The following MAX variants were observed in gnomAD, a reference collection of about 807,000 sequenced individuals.
The protein encoded by MAX is MYC associated transcriptional regulator X.
Under a neutral mutation model 22.3 loss-of-function variants are expected in MAX, and 3 were observed. The observed-to-expected ratio is 0.13, with a 90% confidence interval of 0.06 to 0.35. The LOEUF (loss-of-function observed/expected upper bound fraction) is 0.35. MAX is among the 10% of genes least tolerant of loss of function. MAX has a pLI of 1.00. For missense variants in MAX, 119 were observed against 209.4 expected (o/e 0.57, Z 2.66); for synonymous variants, 72 against 77.7 (o/e 0.93, Z 0.39).
rs1384119164 is a variant in MAX, at chr14:65,054,413, G to C, written c.171+39295C>G. Among the ~76,000 whole-genome samples, 1 of 151,618 alleles carries C rather than the reference G, an allele frequency of 6.6e-6. No individual in the cohort carries two copies. Among genetic ancestry groups the C allele is most frequent in the South Asian group, 2.1e-4 (1 of 4,814 alleles). On this transcript the variant is annotated intron_variant, in intron 3 of 3. Coordinates refer to the MAX transcript ENST00000341653. The surrounding 1 kb of genome is among the most constrained non-coding windows in gnomAD (Gnocchi z 4.4). ...GTGTGAGCCACTGTGCTCAGCCAGTGGGGCTTTAAATAACACTGCTGGGAA... is the reference window on the plus strand; with the variant it reads ...GTGTGAGCCACTGTGCTCAGCCAGTCGGGCTTTAAATAACACTGCTGGGAA...
At chr14:65,035,340 T>C (rs1350112637) in intron 3 of MAX, among the ~76,000 whole-genome samples, 3 of 152,214 alleles carry the variant, frequency 2.0e-5, no homozygotes, top group Non-Finnish European at 4.4e-5. Context: ...AAAATCTGCC[T>C]GCCCTTTTTC....
At position 65,059,915 on chromosome 14, in the gene MAX, C is replaced by T. The variant is rs1003897703; in HGVS notation, c.171+33793G>A. On this transcript the variant is annotated intron_variant, in intron 3 of 3. Coordinates refer to the MAX transcript ENST00000341653. The stretch of plus-strand genomic sequence containing the variant: ...GTGGCACAATCTTGGCTCACTGCAA[C>T]CTCCGCCTCCCGGGTTCAAGCAATT... Among the ~76,000 whole-genome samples the T allele has an allele frequency of 1.1e-4, 16 of 148,942 alleles. No homozygotes were observed. In the South Asian group the frequency reaches 3.2e-3, roughly 30 times the overall value.
chr14:65,020,755 GGAGTTTT>G (rs970449393), intron 3 of MAX, among the ~76,000 whole-genome samples: 1 of 97,702 alleles, frequency 1.0e-5, no homozygotes, highest in African/African-American at 3.9e-5. Flanking sequence ...TTTTTGAGAC[GGAGTTTT>G]GCTCTTGTTG....
intron 3 of MAX, among the ~76,000 whole-genome samples, chr14:65,086,171 G>A (rs1256490709): frequency 6.6e-6 from 1 of 152,168 alleles, no homozygotes; most frequent in African/African-American, 2.4e-5. Context: ...CCAGCCATAT[G>A]TAACTGTAAG....
rs1216694943 is a variant in MAX, at chr14:65,077,842, G to A, written c.295+71C>T. The stretch of plus-strand genomic sequence containing the variant: ...CTCCATGACTGGCTCTGACTCTGCA[G>A]GCCCAGGTGCCAAAGCCTGACCTGG... On this transcript the variant is annotated intron_variant, in intron 4 of 4. Coordinates refer to ENST00000358664, the MANE Select transcript of MAX (RefSeq NM_002382.5). This position sits in a 1 kb window ranked among gnomAD's most constrained non-coding sequence, Gnocchi z 6.3. 1.2e-6 allele frequency: 2 copies of A among 1,614,224 alleles called. No homozygotes were observed. The highest frequency in any genetic ancestry group is 1.7e-6 in the Non-Finnish European group (2 of 1,180,044).
In MAX at chr14:65,075,349, C is replaced by G. The variant is rs4902357; in HGVS notation, c.*1127G>C. The G allele has an allele frequency of 0.41, 434,098 of 1,062,706 alleles. 93,923 individuals carry two copies. The highest frequency in any genetic ancestry group is 0.78 in the African/African-American group (47,708 of 60,912). The allele number at this position is 1,062,706 out of a possible 1,614,324, so 65.8% of individuals were successfully genotyped here. ...CTAAACACACAAAACCCTTCACTGG[C>G]ATCTGCTGACCACAGCCAGAACCAG... On this transcript the variant is annotated 3_prime_UTR_variant, in exon 5 of 5. Transcript: ENST00000358664. The surrounding 1 kb of genome is among the most constrained non-coding windows in gnomAD (Gnocchi z 4.1).
In MAX at chr14:65,024,250, T is replaced by TA. The variant is rs199646191; in HGVS notation, c.172-17967dup. ...GAACATTGGAATCACGTGGGGAGTT[T>TA]AAAAAAAATACTGCCACCTGGGTCC... On this transcript the variant is annotated intron_variant, in intron 3 of 3. Coordinates refer to the MAX transcript ENST00000341653. Among the ~76,000 whole-genome samples the TA allele has an allele frequency of 5.1e-4, 78 of 152,134 alleles. 1 individual carries two copies. Among genetic ancestry groups the TA allele is most frequent in the South Asian group, 8.3e-4 (4 of 4,808 alleles).
intron 3 of MAX, chr14:65,015,560 C>A: frequency 6.4e-7 from 1 of 1,573,824 alleles, no homozygotes; most frequent in Non-Finnish European, 8.7e-7. Context: ...ACAGATACAG[C>A]CTTGGCAGCA....
intron 3 of MAX, chr14:65,040,678 A>T: frequency 9.3e-7 from 1 of 1,079,804 alleles, no homozygotes; most frequent in Non-Finnish European, 1.2e-6. Flanking sequence ...CATAGTTGTG[A>T]TGGTTCACAC....
At chr14:65,053,865 G>C (rs1371165937) in intron 3 of MAX, among the ~76,000 whole-genome samples, 1 of 152,122 alleles carries the variant, frequency 6.6e-6, no homozygotes, top group Non-Finnish European at 1.5e-5. Context: ...TTGGCATCCA[G>C]GGGAAGGCCT....
chr14:65,083,874 A>AG, intron 3 of MAX: 1 of 1,250,952 alleles, frequency 8.0e-7, no homozygotes, highest in Admixed American at 3.6e-5. Flanking sequence ...ACTGGTGTAC[A>AG]TTTCCATGTG....
rs1231279251 is a variant in MAX, at chr14:65,054,472, G to A, written c.171+39236C>T. The A allele has an allele frequency of 6.8e-6, 8 of 1,172,152 alleles. No individual in the cohort carries two copies. The highest frequency in any genetic ancestry group is 1.4e-5 in the South Asian group (1 of 70,308). 72.6% of individuals were successfully genotyped at this position (1,172,152 alleles called of 1,614,324 possible). A position where few individuals can be genotyped will look rare whatever the true frequency, so the allele number is the denominator to read the frequency against. ...CTCCTCTAGCCACATGGAGGATGGG[G>A]GGGGACGTGTGATTGCACCAGTGGT... On this transcript the variant is annotated intron_variant, in intron 3 of 3. Transcript: ENST00000341653. This position sits in a 1 kb window ranked among gnomAD's most constrained non-coding sequence, Gnocchi z 4.4.
chr14:65,021,907 A>C (rs1009098235), intron 3 of MAX: 1 of 455,866 alleles, frequency 2.2e-6, no homozygotes, highest in Non-Finnish European at 4.4e-6. Context: ...CGGCCTCCCA[A>C]AGTGCTAGGA....
At chr14:65,025,255 C>T (rs1440748948) in intron 3 of MAX, among the ~76,000 whole-genome samples, 1 of 152,094 alleles carries the variant, frequency 6.6e-6, no homozygotes. Context: ...AGTAGTGTTG[C>T]GTTCGGCACG....
intron 3 of MAX, among the ~76,000 whole-genome samples, chr14:65,052,303 A>G (rs1344199382): frequency 6.6e-6 from 1 of 152,226 alleles, no homozygotes. Flanking sequence ...CTAGGTAGAA[A>G]AACGCATAGA....
chr14:65,061,351 C>T (rs1334391379), intron 3 of MAX: 2 of 1,612,094 alleles, frequency 1.2e-6, no homozygotes, highest in Non-Finnish European at 1.7e-6. Context: ...CACCCATCTC[C>T]CCAGTCAGAC....
At chr14:65,050,930 A>T (rs575547658) in intron 3 of MAX, among the ~76,000 whole-genome samples, 25 of 152,384 alleles carry the variant, frequency 1.6e-4, no homozygotes, top group African/African-American at 5.8e-4. Context: ...GGAACTGGAA[A>T]CAACCTTGGA....
rs1368947681 is a variant in MAX, at chr14:65,054,303, G to T, written c.171+39405C>A. Among the ~76,000 whole-genome samples, 3 of 151,722 alleles carry T rather than the reference G, an allele frequency of 2.0e-5. No homozygotes were observed. Among genetic ancestry groups the T allele is most frequent in the African/African-American group, 7.3e-5 (3 of 41,284 alleles). ...AATTTTTAATTTTTTGTAGAGACGG[G>T]GTCTCCCATGTTGCCCAAGTTGGTT... On this transcript the variant is annotated intron_variant, in intron 3 of 3. Transcript: ENST00000341653. This position sits in a 1 kb window ranked among gnomAD's most constrained non-coding sequence, Gnocchi z 4.4.
intron 3 of MAX, among the ~76,000 whole-genome samples, chr14:65,036,728 C>G (rs542815587): frequency 6.7e-6 from 1 of 150,250 alleles, no homozygotes; most frequent in African/African-American, 2.5e-5. Flanking sequence ...GAGTCTTGCT[C>G]TGTCACCCAG....
Sources: allele counts gnomAD v4.1 joint callset (sites outside exome capture counted in the v4.1 genomes callset), GRCh38; gene constraint gnomAD v4.1.1; non-coding constraint Gnocchi (gnomAD v3.1); transcripts MANE v1.5; gene names NCBI Gene and HGNC (gene_info 2026-07-23, HGNC 2026-07-21).